Variants in F12 observed in about 807,000 individuals in gnomAD.
The protein encoded by F12 is Hageman factor.
In F12, 70 loss-of-function variants were observed where a neutral mutation model predicts 74.8. That is an observed-to-expected ratio of 0.94 (90% confidence interval 0.77 to 1.14). F12 has a LOEUF of 1.14. Ranked by LOEUF, F12 falls within the 50% of genes most tolerant of loss-of-function variation. The probability of loss-of-function intolerance (pLI) is 0.00; values close to 1 mark genes in which losing one functional copy is unlikely to be tolerated. For missense variants in F12, 811 were observed against 835.7 expected, an observed-to-expected ratio of 0.97 and a Z score of 0.36; for synonymous variants, 373 against 356.4, an observed-to-expected ratio of 1.05 and a Z score of -0.52.
chr5:177,405,428 A>G lies in F12; in HGVS notation c.292T>C (p.Cys98Arg), dbSNP rs1287915381. 1.9e-6 allele frequency: 3 copies of G among 1,613,112 alleles called. No individual in the cohort carries two copies. In the South Asian group the frequency reaches 3.3e-5, roughly 18 times the overall value. The change falls in exon 5 of 14, where the codon TGC becomes CGC. Residue 98 changes from cysteine (C) to arginine (R), a missense_variant. Cys to Arg is a radical substitution (Grantham distance 180). Transcript: ENST00000253496. Reference protein sequence around the residue: ...CLEPKKVKDHCSKHSPCQKGG... With the variant: ...CLEPKKVKDHRSKHSPCQKGG... ...TTCTGGCAGGGGCTGTGTTTGCTGC[A>G]GTGGTCTGAGAGATGGACATGGTGG... is the stretch of plus-strand genomic sequence containing the variant.
intron 12 of F12, 152 bp from the exon 13 acceptor site, chr5:177,402,850 C>T (rs1417594636): frequency 1.8e-6 from 2 of 1,128,008 alleles, no homozygotes; most frequent in East Asian, 5.1e-5. Flanking sequence ...AATTCAATTT[C>T]ATAGGCAAGG....
chr5:177,405,128 C>G lies in F12; in HGVS notation c.455G>C (p.Arg152Thr). 2.5e-6 allele frequency: 4 copies of G among 1,613,914 alleles called. 1 individual carries two copies. The highest frequency in any genetic ancestry group is 3.4e-6 in the Non-Finnish European group (4 of 1,180,040). The change falls in exon 6 of 14, where the codon AGA becomes ACA. Residue 152 changes from arginine (R) to threonine (T), a missense_variant. Physicochemically the swap from Arg to Thr is moderately conservative, Grantham distance 71. Coordinates refer to ENST00000253496, the MANE Select transcript of F12 (RefSeq NM_000505.4). ...TCTGGCCACAGCTGCTTGCTCAGTT[C>G]TATACCATATCTCATTCTTGTGGAA... ...RFFHKNEIWY[R>T]TEQAAVARCQ...
Position 177,402,313 on chromosome 5 carries a change from G to T in F12, c.1827C>A (p.Ile609=). 1 of 1,613,814 alleles carries T rather than the reference G, an allele frequency of 6.2e-7. No individual in the cohort carries two copies. The highest frequency in any genetic ancestry group is 1.1e-5 in the South Asian group (1 of 91,062). Residue 609 remains isoleucine (I), a synonymous_variant, in exon 14 of 14, where the codon ATC becomes ATA. Transcript: ENST00000253496. ...YTDVAYYLAW[I]REHTVS is the part of the protein sequence containing the mutation. ...GCAATCAGGAAACGGTGTGCTCCCG[G>T]ATCCAGGCCAGGTAGTAGGCCACAT...
rs1319099533 is a variant in F12, at chr5:177,402,682, G to A, written c.1548C>T (p.Ala516=). Residue 516 remains alanine (A), a synonymous_variant, in exon 13 of 14, where the codon GCC becomes GCT. Coordinates refer to ENST00000253496, the MANE Select transcript of F12 (RefSeq NM_000505.4). Reference sequence around the variant, plus strand: ...GTACCTGCGCCTCCTGCAGGAAGCTGGCATATTCCTCCGCCCCTGCGAACA... The same window carrying A: ...GTACCTGCGCCTCCTGCAGGAAGCTAGCATATTCCTCCGCCCCTGCGAACA... ...GHQFEGAEEY[A]SFLQEAQVPF... 5.6e-6 allele frequency: 9 copies of A among 1,611,994 alleles called. No homozygotes were observed. The highest frequency in any genetic ancestry group is 1.1e-5 in the South Asian group (1 of 91,018).
chr5:177,407,957 C>T (rs566983650), intron 2 of F12, among the ~76,000 whole-genome samples: 1 of 152,104 alleles, frequency 6.6e-6, no homozygotes, highest in African/African-American at 2.4e-5. Flanking sequence ...ATGTGCTGGG[C>T]CTCAACGCCA....
intron 3 of F12, 34 bp from the exon 4 acceptor site, chr5:177,405,839 C>T (rs775566315): frequency 1.2e-6 from 2 of 1,612,964 alleles, no homozygotes; most frequent in Non-Finnish European, 1.7e-6. Flanking sequence ...CTGCTCTACC[C>T]AGGGGCCTGG....
chr5:177,402,987 C>T, intron 12 of F12: 1 of 668,304 alleles, frequency 1.5e-6, no homozygotes, highest in Non-Finnish European at 2.5e-6. Context: ...GGCCAGCGTC[C>T]TAGTTGGCCT....
rs754431650 is a variant in F12 at position 177,404,532 on chromosome 5, C to A, written c.767G>T (p.Arg256Leu). 2.5e-6 allele frequency: 4 copies of A among 1,599,424 alleles called. No homozygotes were observed. In the East Asian group the frequency reaches 6.8e-5, roughly 27 times the overall value. Reference protein sequence around the residue: ...TYRNVTAEQARNWGLGGHAFC... With the variant: ...TYRNVTAEQALNWGLGGHAFC... Reference sequence around the variant, plus strand: ...GGCGTGGCCGCCCAGTCCCCAGTTCCGCGCTTGCTCGGCAGTCACGTTCCG... The same window carrying A: ...GGCGTGGCCGCCCAGTCCCCAGTTCAGCGCTTGCTCGGCAGTCACGTTCCG... Residue 256 changes from arginine (R) to leucine (L), a missense_variant, in exon 8 of 14, where the codon CGG becomes CTG. Arg to Leu is a moderately radical substitution (Grantham distance 102, BLOSUM62 -2). Coordinates refer to ENST00000253496, the MANE Select transcript of F12 (RefSeq NM_000505.4).
chr5:177,402,398 T>C lies in F12; in HGVS notation c.1742A>G (p.Gln581Arg). ...GCCCGATCCCCAGCTGATGATGCCT[T>C]GCAGGGTGAGCCGGCGCTCTGCAGC... ...DQAAERRLTL[Q>R]GIISWGSGCG... The change falls in exon 14 of 14, where the codon CAA becomes CGA. Residue 581 changes from glutamine (Q) to arginine (R), a missense_variant. Gln to Arg is a conservative substitution (Grantham distance 43, BLOSUM62 1). Coordinates refer to ENST00000253496, the MANE Select transcript of F12 (RefSeq NM_000505.4). The C allele has an allele frequency of 6.2e-7, 1 of 1,613,430 alleles. No individual in the cohort carries two copies. The highest frequency in any genetic ancestry group is 8.5e-7 in the Non-Finnish European group (1 of 1,179,848).
chr5:177,406,174 GA>G, intron 2 of F12, 113 bp from the exon 3 acceptor site: 1 of 982,514 alleles, frequency 1.0e-6, no homozygotes, highest in East Asian at 2.5e-5. Flanking sequence ...GCTGTGCATT[GA>G]AAACACTTTC....
chr5:177,403,781 C>G (rs1763207648), intron 10 of F12, 78 bp downstream of exon 10: 1 of 1,457,402 alleles, frequency 6.9e-7, no homozygotes, highest in Admixed American at 2.2e-5. Context: ...GGCACGGGTT[C>G]GGGTGCAGCG....
chr5:177,407,887 G>A (rs1581660628), intron 2 of F12, among the ~76,000 whole-genome samples: 1 of 152,004 alleles, frequency 6.6e-6, no homozygotes, highest in Admixed American at 6.6e-5. Flanking sequence ...TAAGGCAAGA[G>A]AGAGGAGAAA....
chr5:177,407,791 A>G (rs1360840084), intron 2 of F12, among the ~76,000 whole-genome samples: 2 of 151,788 alleles, frequency 1.3e-5, no homozygotes, highest in Admixed American at 1.3e-4. Flanking sequence ...TCTCAAAAAA[A>G]AAAAAAGATG....
In F12 at chr5:177,404,248, C is replaced by T. The variant is rs1763224831; in HGVS notation, c.966G>A (p.Pro322=). Residue 322 remains proline (P), a synonymous_variant, in exon 9 of 14, where the codon CCG becomes CCA. Transcript: ENST00000253496. Reference sequence around the variant, plus strand: ...TCCGGGTCGTGGGCTGAGGCTTCGGCGGTGCCGGCTGCGCGGGCATGAGTG... The same window carrying T: ...TCCGGGTCGTGGGCTGAGGCTTCGGTGGTGCCGGCTGCGCGGGCATGAGTG... ...HVPLMPAQPA[P]PKPQPTTRTP... The T allele has an allele frequency of 5.0e-6, 8 of 1,597,010 alleles. No individual in the cohort carries two copies. The East Asian group carries it at 1.6e-4, about 31-fold the overall frequency.
chr5:177,406,957 C>T (rs2127361622), intron 2 of F12, among the ~76,000 whole-genome samples: 1 of 152,306 alleles, frequency 6.6e-6, no homozygotes, highest in Middle Eastern at 3.4e-3. Context: ...ACGTTTTTCA[C>T]ACTTTGTGCT....
At position 177,404,588 on chromosome 5, in the gene F12, G is replaced by C. The variant is rs17876047; in HGVS notation, c.711C>G (p.Pro237=). Residue 237 remains proline, a synonymous_variant, in exon 8 of 14, where the codon CCC becomes CCG. Coordinates refer to ENST00000253496, the MANE Select transcript of F12 (RefSeq NM_000505.4). ...TGGCCTCCGAGGCCCACGGCTGACA[G>C]GGCGCACCCGAGAGCGTGGTCCTGG... ...GLARTTLSGA[P]CQPWASEATY... 1.2e-6 allele frequency: 2 copies of C among 1,608,366 alleles called. No individual in the cohort carries two copies. The highest frequency in any genetic ancestry group is 1.7e-6 in the Non-Finnish European group (2 of 1,179,192).
rs79281364 is a variant in F12, at chr5:177,403,432, G to A, written c.1388-35C>T. 2.8e-3 allele frequency: 4,457 copies of A among 1,569,144 alleles called. 134 individuals carry two copies. The African/African-American group carries it at 0.055, about 19-fold the overall frequency. On this transcript the variant is annotated intron_variant, in intron 11 of 13. Transcript: ENST00000253496. The stretch of plus-strand genomic sequence containing the variant: ...GCGGAGAGGAGCGTGAGGCGGGGAC[G>A]CCGGGGCCCCAAGCTCTCTTCCCGT...
At chr5:177,409,374 CTGGACCCACAGGTCATGAGCAGAGGCCA>C in intron 1 of F12, 69 bp downstream of exon 1, 2 of 1,439,414 alleles carry the variant, frequency 1.4e-6, no homozygotes, top group Admixed American at 3.6e-5. Context: ...TCCTAGTCAC[CTGGACCCACAGGTCATGAGCAGAGGCCA>C]TGGCTCATGG....
At position 177,405,427 on chromosome 5, in the gene F12, C is replaced by T. The variant is rs770412757; in HGVS notation, c.293G>A (p.Cys98Tyr). 4.0e-5 allele frequency: 64 copies of T among 1,612,996 alleles called. No individual in the cohort carries two copies. Among genetic ancestry groups the T allele is most frequent in the Non-Finnish European group, 4.7e-5 (55 of 1,179,612 alleles). The change falls in exon 5 of 14, where the codon TGC becomes TAC. Residue 98 changes from cysteine (C) to tyrosine (Y), a missense_variant. By Grantham distance (194) the Cys-to-Tyr change is radical. Coordinates refer to ENST00000253496, the MANE Select transcript of F12 (RefSeq NM_000505.4). ...CLEPKKVKDH[C>Y]SKHSPCQKGG... ...TTTCTGGCAGGGGCTGTGTTTGCTG[C>T]AGTGGTCTGAGAGATGGACATGGTG...
Sources: allele counts gnomAD v4.1 joint callset (sites outside exome capture counted in the v4.1 genomes callset), GRCh38; gene constraint gnomAD v4.1.1; transcripts MANE v1.5; gene names NCBI Gene and HGNC (gene_info 2026-07-23, HGNC 2026-07-21).